LSAMP: variants seen among roughly 807,000 people sequenced by gnomAD.
The protein encoded by LSAMP is limbic system-associated membrane protein.
Under a neutral mutation model 38.6 loss-of-function variants are expected in LSAMP, and 7 were observed. The observed-to-expected ratio is 0.18, with a 90% CI of 0.10 to 0.34. The LOEUF (loss-of-function observed/expected upper bound fraction) is 0.34, where lower values mean the gene tolerates loss of function less well. Among genes scored for constraint, LSAMP ranks in the 10% least tolerant of loss-of-function variants. LSAMP has a pLI of 1.00. For missense variants in LSAMP, 313 were observed against 420.0 expected (o/e 0.75, Z 2.23); for synonymous variants, 154 against 166.8 (o/e 0.92, Z 0.59).
chr3:116,428,869 C>G (rs1208265789), intron 1 of LSAMP, among the ~76,000 whole-genome samples: 2 of 152,128 alleles, frequency 1.3e-5, no homozygotes, highest in Non-Finnish European at 2.9e-5. Flanking sequence ...TTGTGACATT[C>G]TTGGGAATAT....
chr3:116,251,677 A>C (rs1237265324), intron 1 of LSAMP, among the ~76,000 whole-genome samples: 4 of 152,226 alleles, frequency 2.6e-5, no homozygotes, highest in Non-Finnish European at 5.9e-5. Context: ...TACTGCAAGG[A>C]GTGGAAGCTT....
chr3:115,967,324 C>T (rs970562699), intron 3 of LSAMP, among the ~76,000 whole-genome samples: 1 of 152,184 alleles, frequency 6.6e-6, no homozygotes, highest in Non-Finnish European at 1.5e-5. Context: ...TGCACCAGTT[C>T]CCAAGAAGTT....
Position 116,133,569 on chromosome 3 carries a change from T to G in LSAMP, c.156-47013A>C, listed in dbSNP as rs565197469. Among the ~76,000 whole-genome samples, 16 of 152,256 alleles carry G rather than the reference T, an allele frequency of 1.1e-4. No individual in the cohort carries two copies. In the South Asian group the frequency reaches 3.3e-3, roughly 32 times the overall value. On this transcript the variant is annotated intron_variant, in intron 1 of 6. Coordinates refer to ENST00000490035, the MANE Select transcript of LSAMP (RefSeq NM_002338.5). ...TCCAAGTGATCCTCCTGCCTTGGCA[T>G]TTCAAAGTTCTGAGATTACAGGCAT...
intron 1 of LSAMP, among the ~76,000 whole-genome samples, chr3:116,113,417 TATA>T (rs200213114): frequency 0.023 from 1,202 of 51,822 alleles, 47 homozygotes; most frequent in African/African-American, 0.093. Context: ...TATATATATA[TATA>T]TTTTTTTTTT....
intron 1 of LSAMP, among the ~76,000 whole-genome samples, chr3:116,285,183 C>G (rs1464797442): frequency 1.3e-5 from 2 of 152,078 alleles, no homozygotes; most frequent in Non-Finnish European, 2.9e-5. Flanking sequence ...CTTCCCCATC[C>G]CCATTTGCAC....
At chr3:116,196,895 G>A (rs1194391262) in intron 1 of LSAMP, among the ~76,000 whole-genome samples, 1 of 151,938 alleles carries the variant, frequency 6.6e-6, no homozygotes, top group African/African-American at 2.4e-5. Context: ...GCCTGCTTCT[G>A]CAGAACAACT....
In LSAMP at chr3:116,019,505, T is replaced by C; in HGVS notation, c.514+10A>G. 3.7e-6 allele frequency: 6 copies of C among 1,610,702 alleles called. No individual in the cohort carries two copies. Among genetic ancestry groups the C allele is most frequent in the South Asian group, 1.1e-5 (1 of 90,908 alleles). ...GCATGTGGCATATTGGAACCTGGAG[T>C]ATTGCTTACCAGTTGGTGTAAGGTG... On this transcript the variant is annotated intron_variant, in intron 3 of 6. Coordinates refer to ENST00000490035, the MANE Select transcript of LSAMP (RefSeq NM_002338.5).
chr3:116,199,762 G>T (rs1201950302), intron 1 of LSAMP, among the ~76,000 whole-genome samples: 1 of 135,662 alleles, frequency 7.4e-6, no homozygotes, highest in Non-Finnish European at 1.7e-5. Context: ...TTAATTGTAG[G>T]ATTTATAAAA....
chr3:116,286,073 A>C (rs1169255815), intron 1 of LSAMP, among the ~76,000 whole-genome samples: 1 of 152,236 alleles, frequency 6.6e-6, no homozygotes, highest in Non-Finnish European at 1.5e-5. Context: ...TGTGGTTCAC[A>C]GTAGTCCTGG....
chr3:116,273,742 GTATA>G (rs370408861), intron 1 of LSAMP, among the ~76,000 whole-genome samples: 2 of 102,684 alleles, frequency 1.9e-5, no homozygotes, highest in Non-Finnish European at 3.8e-5. Flanking sequence ...GTATACATAT[GTATA>G]TATATATAAA....
chr3:116,276,767 T>C (rs530016191), intron 1 of LSAMP, among the ~76,000 whole-genome samples: 66 of 149,276 alleles, frequency 4.4e-4, no homozygotes, highest in Non-Finnish European at 6.8e-4. Flanking sequence ...CCATAAAAAA[T>C]AAAGTGTGAG....
chr3:116,149,108 A>G (rs1402970596), intron 1 of LSAMP, among the ~76,000 whole-genome samples: 1 of 151,952 alleles, frequency 6.6e-6, no homozygotes, highest in Admixed American at 6.6e-5. Context: ...GTACATATTT[A>G]CTTCTCTAGA....
intron 1 of LSAMP, among the ~76,000 whole-genome samples, chr3:116,267,739 C>A (rs951184449): frequency 3.3e-5 from 5 of 152,122 alleles, no homozygotes; most frequent in African/African-American, 1.2e-4. Flanking sequence ...GTACTCTCCG[C>A]CTGCAGCAGA....
intron 3 of LSAMP, among the ~76,000 whole-genome samples, chr3:115,902,422 T>C (rs1936899192): frequency 6.6e-6 from 1 of 152,076 alleles, no homozygotes; most frequent in Non-Finnish European, 1.5e-5. Flanking sequence ...AATACCATTC[T>C]AGACATAGGA....
At chr3:116,443,184 A>G (rs1244150496) in intron 1 of LSAMP, among the ~76,000 whole-genome samples, 1 of 152,236 alleles carries the variant, frequency 6.6e-6, no homozygotes, top group Non-Finnish European at 1.5e-5. Context: ...GGGAGTATGA[A>G]TGTTAGCAAT....
chr3:115,969,073 T>C (rs1362689556), intron 3 of LSAMP, among the ~76,000 whole-genome samples: 2 of 152,156 alleles, frequency 1.3e-5, no homozygotes, highest in African/African-American at 4.8e-5. Context: ...AGGGGTTGTG[T>C]CGCAAGTCAA....
At chr3:116,400,667 G>A (rs1478261555) in intron 1 of LSAMP, among the ~76,000 whole-genome samples, 1 of 151,898 alleles carries the variant, frequency 6.6e-6, no homozygotes, top group Non-Finnish European at 1.5e-5. Flanking sequence ...TAGTAGGGAC[G>A]GGGTTTCACC....
At chr3:116,417,609 A>G (rs765802557) in intron 1 of LSAMP, among the ~76,000 whole-genome samples, 32 of 152,318 alleles carry the variant, frequency 2.1e-4, no homozygotes, top group Non-Finnish European at 4.4e-4. Context: ...TGCTGACAAG[A>G]AAACACAAAT....
chr3:115,939,200 A>G (rs1172823277), intron 3 of LSAMP, among the ~76,000 whole-genome samples: 3 of 152,172 alleles, frequency 2.0e-5, no homozygotes, highest in Non-Finnish European at 4.4e-5. Flanking sequence ...TTTACCATCG[A>G]GATGTAATTT....
Sources: gnomAD v4.1 joint callset for allele counts (sites outside exome capture counted in the v4.1 genomes callset) on GRCh38, gnomAD v4.1.1 for gene constraint, MANE v1.5 for transcripts, NCBI Gene and HGNC (gene_info 2026-07-23, HGNC 2026-07-21) for gene names.